The following TAPT1 variants were observed in gnomAD, a reference collection of about 807,000 sequenced individuals.
TAPT1 encodes transmembrane anterior posterior transformation 1, also known as transmembrane anterior posterior transformation protein 1 homolog.
A neutral mutation model predicts 65.6 loss-of-function variants in TAPT1; 28 were observed. That is an observed-to-expected ratio of 0.43 (90% CI 0.32 to 0.59). The LOEUF (loss-of-function observed/expected upper bound fraction) is 0.59. TAPT1 is among the 20% of genes least tolerant of loss of function. The pLI, the probability that TAPT1 is intolerant of heterozygous loss-of-function variation, is 0.09. For synonymous variants in TAPT1, 278 were observed against 245.2 expected (o/e 1.13, Z -1.25); for missense variants, 563 against 679.9 (o/e 0.83, Z 1.91).
chr4:16,194,977 C>T (rs1318905444), intron 3 of TAPT1, among the ~76,000 whole-genome samples: 5 of 152,048 alleles, frequency 3.3e-5, no homozygotes, highest in Admixed American at 2.0e-4. Context: ...GGTGATCCAC[C>T]GGCCTCGGCC....
chr4:16,165,452 C>A (rs1747541177), intron 13 of TAPT1, among the ~76,000 whole-genome samples: 1 of 151,712 alleles, frequency 6.6e-6, no homozygotes, highest in African/African-American at 2.4e-5. Flanking sequence ...CGCCTGTAGT[C>A]CCAGCTACTC....
At chr4:16,164,380 T>G (rs532608990) in intron 13 of TAPT1, among the ~76,000 whole-genome samples, 1 of 152,224 alleles carries the variant, frequency 6.6e-6, no homozygotes, top group South Asian at 2.1e-4. Flanking sequence ...CCCCTCCCTC[T>G]CTTTAGCTTG....
intron 4 of TAPT1, 153 bp downstream of exon 4, chr4:16,191,208 A>G: frequency 1.4e-6 from 1 of 725,632 alleles, no homozygotes; most frequent in East Asian, 2.8e-5. Context: ...ATCCATGTTT[A>G]AGAAGAGCCC....
chr4:16,217,832 T>A (rs532675362), intron 1 of TAPT1, among the ~76,000 whole-genome samples: 1 of 152,350 alleles, frequency 6.6e-6, no homozygotes, highest in Admixed American at 6.5e-5. Flanking sequence ...TAGCAGCTGC[T>A]GCTGATTCAG....
Position 16,167,084 on chromosome 4 carries a change from T to A in TAPT1, c.1314-291A>T, listed in dbSNP as rs111676522. 0.18 allele frequency among the ~76,000 whole-genome samples: 25,534 copies of A among 142,992 alleles called. 2,603 individuals carry two copies. The highest frequency in any genetic ancestry group is 0.32 in the East Asian group (1,512 of 4,794). The allele number at this position is 142,992 out of a possible 152,430, so 93.8% of individuals were successfully genotyped here. The stretch of plus-strand genomic sequence containing the variant: ...ATCTTGGCTCACTGCAACCTCCGCC[T>A]CCTGGGTTCATGCAATTCTTGGCCT... On this transcript the variant is annotated intron_variant, in intron 12 of 13. Coordinates refer to ENST00000405303, the MANE Select transcript of TAPT1 (RefSeq NM_153365.3).
At chr4:16,221,381 C>T (rs1397487106) in intron 1 of TAPT1, among the ~76,000 whole-genome samples, 5 of 152,200 alleles carry the variant, frequency 3.3e-5, no homozygotes, top group Non-Finnish European at 7.3e-5. Context: ...CCGCCTCAGC[C>T]TCCCAAAGTG....
intron 1 of TAPT1, among the ~76,000 whole-genome samples, chr4:16,215,833 C>T (rs903900855): frequency 2.6e-5 from 4 of 152,078 alleles, no homozygotes; most frequent in Admixed American, 1.3e-4. Context: ...TGGCTAGAAC[C>T]AGAACAAGAT....
chr4:16,166,341 A>G (rs1747618336), intron 13 of TAPT1, among the ~76,000 whole-genome samples: 1 of 152,184 alleles, frequency 6.6e-6, no homozygotes. Flanking sequence ...CCTCTTCCCG[A>G]CAATCTAGAA....
upstream of TAPT1, chr4:16,226,687 C>T (rs1312899811): frequency 6.2e-6 from 1 of 162,042 alleles, no homozygotes; most frequent in Non-Finnish European, 1.3e-5. Flanking sequence ...CTCGCCGTGG[C>T]GGGCGACGGT....
intron 3 of TAPT1, 62 bp from the exon 4 acceptor site, chr4:16,191,585 TA>T: frequency 6.9e-7 from 1 of 1,458,092 alleles, no homozygotes; most frequent in Non-Finnish European, 9.3e-7. Context: ...ACAAAAACAA[TA>T]ATCTTTACTC....
chr4:16,198,274 T>C (rs1578455225), intron 3 of TAPT1, among the ~76,000 whole-genome samples: 1 of 152,228 alleles, frequency 6.6e-6, no homozygotes, highest in South Asian at 2.1e-4. Context: ...CGGGGGTCTA[T>C]GTGCTTTAAA....
chr4:16,170,715 T>C lies in TAPT1; in HGVS notation c.1251A>G (p.Val417=). 4 of 1,613,648 alleles carry C rather than the reference T, an allele frequency of 2.5e-6. No homozygotes were observed. Among genetic ancestry groups the C allele is most frequent in the Non-Finnish European group, 3.4e-6 (4 of 1,179,632 alleles). ...TTCCTTGCACTTTAATTGAGCTTGT[T>C]ACAACTCTGATGAGCTAGCCAGAAA... ...LPLAVLLIRV[V]TSSIKVQGIL... The change falls in exon 12 of 14, where the codon GTA becomes GTG. Residue 417 remains valine, a synonymous_variant. Transcript: ENST00000405303.
In TAPT1 at chr4:16,226,306, C is replaced by T; in HGVS notation, c.152G>A (p.Gly51Asp). ...PPAPQLTETL[G>D]FYESDRRRER... is the part of the protein sequence containing the mutation. ...CCGCCGCCGGTCGCTCTCGTAGAAG[C>T]CCAGCGTCTCTGTGAGCTGAGGCGC... The change falls in exon 1 of 14, where the codon GGC becomes GAC. Residue 51 changes from glycine to aspartate, a missense_variant. This residue lies in a region of TAPT1 where 103 missense variants were observed against 89.4 expected (regional missense o/e 1.15). Coordinates refer to ENST00000405303, the MANE Select transcript of TAPT1 (RefSeq NM_153365.3). The T allele has an allele frequency of 9.7e-6, 11 of 1,129,586 alleles. No homozygotes were observed. Among genetic ancestry groups the T allele is most frequent in the Non-Finnish European group, 1.2e-5 (11 of 923,408 alleles). The allele number at this position is 1,129,586 out of a possible 1,614,324, so 70.0% of individuals were successfully genotyped here.
chr4:16,221,101 C>A (rs28757814), intron 1 of TAPT1, among the ~76,000 whole-genome samples: 11 of 149,290 alleles, frequency 7.4e-5, no homozygotes, highest in African/African-American at 2.7e-4. Flanking sequence ...TCCTCCAGCA[C>A]ATACGTACAT....
At chr4:16,209,602 T>G (rs180944100) in intron 2 of TAPT1, among the ~76,000 whole-genome samples, 216 of 152,308 alleles carry the variant, frequency 1.4e-3, no homozygotes, top group African/African-American at 4.9e-3. Context: ...ATTTTGTACC[T>G]GATGCATGGT....
chr4:16,184,388 G>T (rs1174910838), intron 7 of TAPT1, among the ~76,000 whole-genome samples: 1 of 152,094 alleles, frequency 6.6e-6, no homozygotes, highest in Non-Finnish European at 1.5e-5. Context: ...CTATGGTATG[G>T]ATATACAGTT....
chr4:16,198,892 TATC>T (rs1283958993), intron 3 of TAPT1, among the ~76,000 whole-genome samples: 1 of 152,212 alleles, frequency 6.6e-6, no homozygotes, highest in African/African-American at 2.4e-5. Flanking sequence ...ACTTTTACCT[TATC>T]AAATATTTCA....
chr4:16,172,831 T>G (rs973419459), intron 11 of TAPT1, among the ~76,000 whole-genome samples: 1 of 143,024 alleles, frequency 7.0e-6, no homozygotes, highest in Non-Finnish European at 1.6e-5. Context: ...GTTTTTGTTG[T>G]TTTTTTTTTT....
intron 3 of TAPT1, among the ~76,000 whole-genome samples, chr4:16,192,632 T>C (rs1444319070): frequency 1.3e-5 from 2 of 152,218 alleles, no homozygotes; most frequent in African/African-American, 2.4e-5. Flanking sequence ...TTTCTTCCAC[T>C]GGATTTAAAA....
Sources: allele counts gnomAD v4.1 joint callset (sites outside exome capture counted in the v4.1 genomes callset), GRCh38; gene constraint gnomAD v4.1.1; regional missense constraint gnomAD v4.1.1; transcripts MANE v1.5; gene names NCBI Gene and HGNC (gene_info 2026-07-23, HGNC 2026-07-21).